DLG2: variants seen among roughly 807,000 people sequenced by gnomAD.
DLG2 encodes discs large MAGUK scaffold protein 2, also known as disks large homolog 2.
A neutral mutation model predicts 132.5 loss-of-function variants in DLG2; 45 were observed. The ratio of observed to expected loss-of-function variants is 0.34; its 90% CI spans 0.27 to 0.44. The LOEUF is 0.44. Among genes scored for constraint, DLG2 ranks in the 20% least tolerant of loss-of-function variants. DLG2 has a pLI of 1.00. For synonymous variants in DLG2, 424 were observed against 419.6 expected (o/e 1.01, Z -0.13); for missense variants, 1,045 against 1,196.9 (o/e 0.87, Z 1.87).
At chr11:84,012,042 G>A (rs1206861054) in intron 11 of DLG2, among the ~76,000 whole-genome samples, 4 of 151,932 alleles carry the variant, frequency 2.6e-5, no homozygotes, top group Non-Finnish European at 5.9e-5. Flanking sequence ...ATCCAAAATG[G>A]GATATTCTCT....
chr11:83,579,944 T>G (rs2096941131), intron 19 of DLG2, among the ~76,000 whole-genome samples: 1 of 152,044 alleles, frequency 6.6e-6, no homozygotes, highest in Non-Finnish European at 1.5e-5. Flanking sequence ...CACTCCAGCC[T>G]GGGTGACAGA....
intron 19 of DLG2, among the ~76,000 whole-genome samples, chr11:83,562,203 G>A (rs2096623570): frequency 6.6e-6 from 1 of 151,908 alleles, no homozygotes; most frequent in African/African-American, 2.4e-5. Flanking sequence ...TTCCTATTCT[G>A]TAGATAATAA....
chr11:84,219,497 T>G (rs540946086), intron 8 of DLG2, among the ~76,000 whole-genome samples: 15 of 152,332 alleles, frequency 9.8e-5, no homozygotes, highest in Non-Finnish European at 1.9e-4. Context: ...TTAGATTATT[T>G]TTTAGAATTA....
chr11:84,083,325 A>G (rs1236962432), intron 10 of DLG2, among the ~76,000 whole-genome samples: 1 of 152,174 alleles, frequency 6.6e-6, no homozygotes, highest in Non-Finnish European at 1.5e-5. Flanking sequence ...ATGTAAATAA[A>G]TGTGGTATCA....
chr11:84,778,424 T>G (rs776373088), intron 6 of DLG2, among the ~76,000 whole-genome samples: 1 of 152,222 alleles, frequency 6.6e-6, no homozygotes, highest in African/African-American at 2.4e-5. Context: ...TAAGACGTTT[T>G]GAGTCTTCTG....
chr11:83,511,698 T>C (rs2095038682), intron 21 of DLG2, among the ~76,000 whole-genome samples: 2 of 151,444 alleles, frequency 1.3e-5, no homozygotes, highest in South Asian at 4.2e-4. Flanking sequence ...CTTCCCTCTC[T>C]GGGAAGAGGG....
chr11:84,635,753 G>A (rs929211666), intron 6 of DLG2, among the ~76,000 whole-genome samples: 9 of 151,904 alleles, frequency 5.9e-5, no homozygotes, highest in Non-Finnish European at 1.2e-4. Context: ...GATGAGGAAA[G>A]TAAAGCTGAG....
chr11:83,946,918 G>T (rs1565760572), intron 14 of DLG2, among the ~76,000 whole-genome samples: 1 of 152,096 alleles, frequency 6.6e-6, no homozygotes, highest in Admixed American at 6.6e-5. Context: ...GTTTCCCTTA[G>T]TTCTCACAAA....
intron 6 of DLG2, among the ~76,000 whole-genome samples, chr11:84,556,206 A>G (rs1468771962): frequency 3.3e-5 from 5 of 152,222 alleles, no homozygotes; most frequent in Non-Finnish European, 7.3e-5. Flanking sequence ...GAGACAGGAC[A>G]TGGTCAGGTA....
intron 12 of DLG2, among the ~76,000 whole-genome samples, chr11:83,979,665 A>G (rs1399481096): frequency 1.3e-5 from 2 of 152,176 alleles, no homozygotes; most frequent in African/African-American, 4.8e-5. Flanking sequence ...TGAAATAGCT[A>G]TAACCCTGTC....
chr11:83,550,890 A>T (rs1036012919), intron 19 of DLG2, among the ~76,000 whole-genome samples: 4 of 152,178 alleles, frequency 2.6e-5, no homozygotes, highest in Admixed American at 2.6e-4. Flanking sequence ...ACCTTTCAGT[A>T]TTTTACTGCC....
At chr11:83,873,975 A>G (rs1269176279) in intron 16 of DLG2, among the ~76,000 whole-genome samples, 4 of 152,202 alleles carry the variant, frequency 2.6e-5, no homozygotes. Context: ...GTACTAGACA[A>G]TGAAGCCCTC....
intron 6 of DLG2, among the ~76,000 whole-genome samples, chr11:85,046,296 CCTTA>C (rs1190236281): frequency 6.6e-6 from 1 of 151,946 alleles, no homozygotes; most frequent in Non-Finnish European, 1.5e-5. Context: ...ACACAGTACT[CCTTA>C]CTTACTAAAT....
chr11:84,851,067 T>C (rs563585321), intron 6 of DLG2, among the ~76,000 whole-genome samples: 1 of 152,216 alleles, frequency 6.6e-6, no homozygotes, highest in South Asian at 2.1e-4. Context: ...AGTGAATGAA[T>C]ATTCAAAAAC....
chr11:84,808,348 A>C (rs2076220805), intron 6 of DLG2, among the ~76,000 whole-genome samples: 1 of 152,124 alleles, frequency 6.6e-6, no homozygotes, highest in African/African-American at 2.4e-5. Flanking sequence ...CTAAAGTGAA[A>C]TTGAAGGCAT....
chr11:85,162,789 T>A (rs751732363), intron 4 of DLG2, among the ~76,000 whole-genome samples: 4 of 152,164 alleles, frequency 2.6e-5, no homozygotes, highest in Non-Finnish European at 5.9e-5. Context: ...TCAGGAGATG[T>A]ACGTGGGTTC....
At chr11:83,698,307 T>C (rs997935804) in intron 18 of DLG2, among the ~76,000 whole-genome samples, 5 of 152,186 alleles carry the variant, frequency 3.3e-5, no homozygotes, top group Non-Finnish European at 1.5e-5. Flanking sequence ...ATATAGATGA[T>C]AGGTTTGCAG....
At chr11:84,894,567 A>G (rs988728142) in intron 6 of DLG2, among the ~76,000 whole-genome samples, 1 of 152,116 alleles carries the variant, frequency 6.6e-6, no homozygotes, top group Non-Finnish European at 1.5e-5. Flanking sequence ...AAGAAAAAGA[A>G]CTCTACATTC....
intron 8 of DLG2, among the ~76,000 whole-genome samples, chr11:84,235,020 C>T (rs930769124): frequency 1.3e-5 from 2 of 152,206 alleles, no homozygotes; most frequent in South Asian, 4.1e-4. Context: ...CTGGAAGCTT[C>T]ACCTGCCTAA....
Sources: allele counts gnomAD v4.1 joint callset (sites outside exome capture counted in the v4.1 genomes callset), GRCh38; gene constraint gnomAD v4.1.1; transcripts MANE v1.5; gene names NCBI Gene and HGNC (gene_info 2026-07-23, HGNC 2026-07-21).